Variants in PHF21A observed in about 807,000 individuals in gnomAD.
The protein encoded by PHF21A is BHC80a.
In PHF21A, 11 loss-of-function variants were observed where a neutral mutation model predicts 82.5. The ratio of observed to expected loss-of-function variants is 0.13; its 90% CI spans 0.08 to 0.22. PHF21A has a LOEUF of 0.22. PHF21A is among the 10% of genes least tolerant of loss of function. The pLI is 1.00. For missense variants in PHF21A, 579 were observed against 837.8 expected (o/e 0.69, Z 3.81); for synonymous variants, 297 against 302.8 (o/e 0.98, Z 0.20).
At chr11:45,979,247 G>A (rs2094177261) in intron 7 of PHF21A, among the ~76,000 whole-genome samples, 1 of 152,052 alleles carries the variant, frequency 6.6e-6, no homozygotes, top group African/African-American at 2.4e-5. Context: ...TCAAACTCCT[G>A]ACCTCAAGTG....
chr11:46,021,546 ATG>A (rs35528009), intron 6 of PHF21A, among the ~76,000 whole-genome samples: 2 of 151,538 alleles, frequency 1.3e-5, no homozygotes, highest in Admixed American at 1.3e-4. Flanking sequence ...GTGTGTGTGC[ATG>A]TGTGTGTGTG....
intron 7 of PHF21A, among the ~76,000 whole-genome samples, chr11:45,976,778 G>T (rs2094047575): frequency 1.3e-5 from 2 of 152,150 alleles, no homozygotes; most frequent in Admixed American, 1.3e-4. Flanking sequence ...GGGTTTCAGT[G>T]AGCTGAGATT....
At chr11:45,983,463 T>C (rs961387692) in intron 6 of PHF21A, among the ~76,000 whole-genome samples, 1 of 152,046 alleles carries the variant, frequency 6.6e-6, no homozygotes, top group African/African-American at 2.4e-5. Context: ...GAATACTGCG[T>C]GTGTGGTTAT....
chr11:46,024,934 C>T (rs2095709707), intron 6 of PHF21A, among the ~76,000 whole-genome samples: 1 of 152,184 alleles, frequency 6.6e-6, no homozygotes, highest in Non-Finnish European at 1.5e-5. Flanking sequence ...GCCATCATCC[C>T]TTATTATTGA....
At chr11:45,980,079 A>C in intron 6 of PHF21A, 113 bp from the exon 7 acceptor site, 1 of 1,459,636 alleles carries the variant, frequency 6.9e-7, no homozygotes. Flanking sequence ...AACTTATTAC[A>C]TCTAAATTTA....
intron 6 of PHF21A, among the ~76,000 whole-genome samples, chr11:46,067,101 T>C (rs894960776): frequency 4.0e-4 from 61 of 152,226 alleles, no homozygotes; most frequent in African/African-American, 1.2e-3. Context: ...CTTACTTATG[T>C]ATTACTTACT....
chr11:45,994,498 G>A lies in PHF21A; in HGVS notation c.154-14532C>T, dbSNP rs575584496. 4.6e-5 allele frequency among the ~76,000 whole-genome samples: 7 copies of A among 152,264 alleles called. 1 individual carries two copies. In the South Asian group the frequency reaches 1.5e-3, roughly 32 times the overall value. On this transcript the variant is annotated intron_variant, in intron 6 of 18. Transcript: ENST00000676320. ...CTGGCTGCCCCTCCTCCACGTATCA[G>A]GCAAGACCAGGGCTCAGTCAGTAAG...
chr11:46,029,177 T>C lies in PHF21A; in HGVS notation c.153+47577A>G, dbSNP rs530953556. On this transcript the variant is annotated intron_variant, in intron 6 of 18. Transcript: ENST00000676320. ...TAACTTCTTGTCTCATAATCTTTGG[T>C]CAATTTTTTTGCATTTAATGTTGTG... Among the ~76,000 whole-genome samples the C allele has an allele frequency of 5.3e-5, 8 of 152,348 alleles. No homozygotes were observed. The East Asian group carries it at 9.6e-4, about 18-fold the overall frequency.
At chr11:45,993,817 G>A (rs1190243565) in intron 6 of PHF21A, among the ~76,000 whole-genome samples, 3 of 151,788 alleles carry the variant, frequency 2.0e-5, no homozygotes, top group Admixed American at 6.6e-5. Context: ...GCTGGGAAAC[G>A]GGACGGTCAG....
At chr11:46,109,997 A>AG in intron 1 of PHF21A, among the ~76,000 whole-genome samples, 1 of 151,622 alleles carries the variant, frequency 6.6e-6, no homozygotes, top group South Asian at 2.1e-4. Context: ...AAAAAAAAAA[A>AG]GTACTGGTCT....
intron 1 of PHF21A, among the ~76,000 whole-genome samples, chr11:46,097,779 C>T (rs895750796): frequency 6.6e-6 from 1 of 152,048 alleles, no homozygotes; most frequent in Non-Finnish European, 1.5e-5. Flanking sequence ...TTTAACCACA[C>T]ACTGCCTCAC....
intron 6 of PHF21A, among the ~76,000 whole-genome samples, chr11:46,028,052 T>C (rs1052054003): frequency 2.0e-5 from 3 of 152,028 alleles, no homozygotes; most frequent in Admixed American, 2.0e-4. Context: ...GGCTAGTAGC[T>C]GATTCTCTAA....
rs2087717007 is a variant in PHF21A at position 45,932,244 on chromosome 11, T to G, written c.*1724A>C. 1 of 152,244 alleles carries G rather than the reference T, an allele frequency of 6.6e-6. No homozygotes were observed. The highest frequency in any genetic ancestry group is 1.5e-5 in the Non-Finnish European group (1 of 68,066). 9.4% of individuals were successfully genotyped at this position (152,244 alleles called of 1,614,324 possible). On this transcript the variant is annotated 3_prime_UTR_variant, in exon 19 of 19. Coordinates refer to ENST00000676320, the MANE Select transcript of PHF21A (RefSeq NM_001352027.3). This position sits in a 1 kb window ranked among gnomAD's most constrained non-coding sequence, Gnocchi z 4.3. ...CTCGGAGGTGTCCCCCAGGCACTCA[T>G]AATGCTGGTGGCTGAAAGACCAAAA...
chr11:45,985,171 A>G (rs1037623795), intron 6 of PHF21A, among the ~76,000 whole-genome samples: 1 of 152,178 alleles, frequency 6.6e-6, no homozygotes, highest in Non-Finnish European at 1.5e-5. Flanking sequence ...AAGAGGAAAA[A>G]AAAGACTTTC....
intron 6 of PHF21A, among the ~76,000 whole-genome samples, chr11:46,028,091 A>AC (rs553615290): frequency 0.012 from 1,782 of 146,804 alleles, 11 homozygotes; most frequent in Non-Finnish European, 0.019. Flanking sequence ...TCTGGGGACA[A>AC]TTTTTTTTTT....
At chr11:46,060,650 C>A (rs1000017605) in intron 6 of PHF21A, among the ~76,000 whole-genome samples, 2 of 152,168 alleles carry the variant, frequency 1.3e-5, no homozygotes, top group Admixed American at 6.5e-5. Context: ...GTGTCCTTTG[C>A]CCACTTTGTA....
chr11:46,068,905 G>A (rs1162771663), intron 6 of PHF21A, among the ~76,000 whole-genome samples: 6 of 152,114 alleles, frequency 3.9e-5, no homozygotes, highest in Non-Finnish European at 1.5e-5. Context: ...GCCATACTCA[G>A]GTAAAATGCC....
At chr11:46,088,749 A>G (rs948586713) in intron 3 of PHF21A, among the ~76,000 whole-genome samples, 9 of 152,184 alleles carry the variant, frequency 5.9e-5, no homozygotes, top group African/African-American at 2.2e-4. Flanking sequence ...TCTTTTCTCT[A>G]TACAGACTTT....
chr11:45,996,529 C>T (rs917427762), intron 6 of PHF21A, among the ~76,000 whole-genome samples: 32 of 152,192 alleles, frequency 2.1e-4, no homozygotes, highest in African/African-American at 7.7e-4. Context: ...GAGAGAGAAA[C>T]GTATTCCATT....
Sources: gnomAD v4.1 joint callset for allele counts (sites outside exome capture counted in the v4.1 genomes callset) on GRCh38, gnomAD v4.1.1 for gene constraint, Gnocchi (gnomAD v3.1) non-coding constraint, MANE v1.5 for transcripts, NCBI Gene and HGNC (gene_info 2026-07-23, HGNC 2026-07-21) for gene names.